Variants in RPS6KA2 observed in about 807,000 individuals in gnomAD.
The protein encoded by RPS6KA2 is ribosomal protein S6 kinase A2.
A neutral mutation model predicts 91.8 loss-of-function variants in RPS6KA2; 42 were observed. The ratio of observed to expected loss-of-function variants is 0.46; its 90% confidence interval spans 0.36 to 0.59. RPS6KA2 has a LOEUF of 0.59. Among genes scored for constraint, RPS6KA2 ranks in the 20% least tolerant of loss-of-function variants. The pLI is 0.00. For synonymous variants in RPS6KA2, 414 were observed against 393.6 expected (o/e 1.05, Z -0.61); for missense variants, 798 against 978.5 (o/e 0.82, Z 2.46).
rs1778473794 is a variant in RPS6KA2, at chr6:166,771,575, G to A, written c.123+86625C>T. 3.9e-5 allele frequency among the ~76,000 whole-genome samples: 6 copies of A among 152,198 alleles called. No homozygotes were observed. The South Asian group carries it at 1.2e-3, about 32-fold the overall frequency. ...ACTGCGGCACGTTCAGTGATGCAGG[G>A]GCCACATTTCCATTTCCTACTTTCT... On this transcript the variant is annotated intron_variant, in intron 2 of 21. Coordinates refer to the RPS6KA2 transcript ENST00000503859.
chr6:166,779,201 C>T (rs1337692320), intron 2 of RPS6KA2, among the ~76,000 whole-genome samples: 2 of 152,168 alleles, frequency 1.3e-5, no homozygotes, highest in Non-Finnish European at 2.9e-5. Context: ...ATGTTCTCTA[C>T]GGCCCTCAGG....
intron 2 of RPS6KA2, among the ~76,000 whole-genome samples, chr6:166,657,758 T>C (rs868841806): frequency 1.3e-5 from 2 of 152,292 alleles, no homozygotes; most frequent in Middle Eastern, 3.4e-3. Flanking sequence ...CAGATTTCGC[T>C]CACTTGAGAG....
At chr6:166,438,510 A>G (rs1779416617) in intron 14 of RPS6KA2, among the ~76,000 whole-genome samples, 1 of 152,260 alleles carries the variant, frequency 6.6e-6, no homozygotes, top group Non-Finnish European at 1.5e-5. Flanking sequence ...AAAGCAAACT[A>G]AGGTACTTTC....
At position 166,448,782 on chromosome 6, in the gene RPS6KA2, G is replaced by C; in HGVS notation, c.1274C>G (p.Ser425Cys). The C allele has an allele frequency of 6.2e-7, 1 of 1,613,804 alleles. No homozygotes were observed. The highest frequency in any genetic ancestry group is 2.2e-5 in the East Asian group (1 of 44,890). The stretch of plus-strand genomic sequence containing the variant: ...CACACATCGCTTGCACACTGAGTAG[G>C]AGCCCACCCCGATGTCCTCCTTGAT... ...YEIKEDIGVGSYSVCKRCVHK... is the reference protein window; with the variant it reads ...YEIKEDIGVGCYSVCKRCVHK... The change falls in exon 14 of 21, where the codon TCC (serine) becomes TGC (cysteine). Residue 425 changes from serine (S) to cysteine (C), a missense_variant. Transcript: ENST00000265678. This position sits in a 1 kb window ranked among gnomAD's most constrained non-coding sequence, Gnocchi z 4.7.
chr6:166,681,741 A>G (rs2128566714), intron 2 of RPS6KA2, among the ~76,000 whole-genome samples: 2 of 115,830 alleles, frequency 1.7e-5, no homozygotes, highest in Middle Eastern at 0.014. Flanking sequence ...CCTGTCTCCC[A>G]GAGATGAAAA....
intron 2 of RPS6KA2, among the ~76,000 whole-genome samples, chr6:166,808,457 C>A (rs1266521349): frequency 6.6e-6 from 1 of 152,128 alleles, no homozygotes; most frequent in African/African-American, 2.4e-5. Flanking sequence ...TGTCTCACCC[C>A]ACTAGAGCAT....
chr6:166,798,263 G>A (rs1163160617), intron 2 of RPS6KA2, among the ~76,000 whole-genome samples: 3 of 152,212 alleles, frequency 2.0e-5, no homozygotes, highest in African/African-American at 7.2e-5. Context: ...TGTCCATTCT[G>A]TTCTCACTGA....
In RPS6KA2 at chr6:166,598,533, A is replaced by G. The variant is rs570585311; in HGVS notation, c.99+28388T>C. On this transcript the variant is annotated intron_variant, in intron 1 of 20. Coordinates refer to ENST00000265678, the MANE Select transcript of RPS6KA2 (RefSeq NM_021135.6). ...ACCAATTCTGGATGGAGAAGTTGGA[A>G]TCAGATGACCCTCTGAACTTGAAGA... is the stretch of plus-strand genomic sequence containing the variant. 2.6e-5 allele frequency among the ~76,000 whole-genome samples: 4 copies of G among 152,364 alleles called. No individual in the cohort carries two copies. The South Asian group carries it at 8.3e-4, about 32-fold the overall frequency.
chr6:166,502,924 A>G (rs1782074492), intron 6 of RPS6KA2, among the ~76,000 whole-genome samples: 1 of 152,206 alleles, frequency 6.6e-6, no homozygotes, highest in African/African-American at 2.4e-5. Flanking sequence ...AAATGCCTGA[A>G]ACCGGAAGTG....
chr6:166,597,640 T>C (rs1785584341), intron 1 of RPS6KA2, among the ~76,000 whole-genome samples: 1 of 152,258 alleles, frequency 6.6e-6, no homozygotes, highest in Non-Finnish European at 1.5e-5. Flanking sequence ...ATGGAGCTGA[T>C]AACATGCAAG....
chr6:166,661,880 G>T (rs1417580642), intron 2 of RPS6KA2, among the ~76,000 whole-genome samples: 2 of 152,080 alleles, frequency 1.3e-5, no homozygotes, highest in Non-Finnish European at 1.5e-5. Flanking sequence ...CACTATGAAG[G>T]GAGGAGCTTC....
chr6:166,729,503 T>C (rs2128588226), intron 2 of RPS6KA2, among the ~76,000 whole-genome samples: 1 of 152,288 alleles, frequency 6.6e-6, no homozygotes, highest in Middle Eastern at 3.4e-3. Context: ...TATGCACCAC[T>C]ATACCCAGCT....
At chr6:166,513,672 C>A (rs1782546174) in intron 3 of RPS6KA2, among the ~76,000 whole-genome samples, 1 of 152,126 alleles carries the variant, frequency 6.6e-6, no homozygotes, top group Admixed American at 6.6e-5. Context: ...GCACAGAAGA[C>A]AAACGCTGGG....
chr6:166,579,966 C>A (rs139085835), intron 1 of RPS6KA2, among the ~76,000 whole-genome samples: 1 of 152,352 alleles, frequency 6.6e-6, no homozygotes, highest in Non-Finnish European at 1.5e-5. Context: ...GTGACAACAC[C>A]TTCCTAACTG....
At chr6:166,690,939 CAT>C (rs567192198) in intron 2 of RPS6KA2, among the ~76,000 whole-genome samples, 66 of 152,098 alleles carry the variant, frequency 4.3e-4, no homozygotes, top group African/African-American at 1.6e-3. Flanking sequence ...TTATAAAGGA[CAT>C]TAATTACATG....
intron 2 of RPS6KA2, among the ~76,000 whole-genome samples, chr6:166,851,391 CAGA>C (rs1234817643): frequency 2.6e-5 from 4 of 152,210 alleles, no homozygotes; most frequent in Non-Finnish European, 5.9e-5. Flanking sequence ...GACCTCAACG[CAGA>C]AGGTGATTCT....
rs751753356 is a variant in RPS6KA2, at chr6:166,504,468, G to T, written c.566+38C>A. On this transcript the variant is annotated intron_variant, in intron 6 of 20. Coordinates refer to ENST00000265678, the MANE Select transcript of RPS6KA2 (RefSeq NM_021135.6). Reference sequence around the variant, plus strand: ...GGCCAGGAAAATACATGGAGCTGATGGGCGTGGGGAAGTCAGCCCTAGTTT... The same window carrying T: ...GGCCAGGAAAATACATGGAGCTGATTGGCGTGGGGAAGTCAGCCCTAGTTT... The T allele has an allele frequency of 1.1e-5, 13 of 1,207,168 alleles. No homozygotes were observed. The African/African-American group carries it at 1.4e-4, about 13-fold the overall frequency. 74.8% of individuals were successfully genotyped at this position (1,207,168 alleles called of 1,614,324 possible).
At chr6:166,531,835 A>G (rs1783288992) in intron 2 of RPS6KA2, among the ~76,000 whole-genome samples, 1 of 152,212 alleles carries the variant, frequency 6.6e-6, no homozygotes, top group Non-Finnish European at 1.5e-5. Flanking sequence ...ACACTTACGG[A>G]TATTTGGCAA....
At chr6:166,499,016 G>A (rs1308980751) in intron 7 of RPS6KA2, among the ~76,000 whole-genome samples, 1 of 152,212 alleles carries the variant, frequency 6.6e-6, no homozygotes, top group Non-Finnish European at 1.5e-5. Context: ...TGGGGTGGAA[G>A]GCAGGTGTGT....
Sources: allele counts gnomAD v4.1 joint callset (sites outside exome capture counted in the v4.1 genomes callset), GRCh38; gene constraint gnomAD v4.1.1; non-coding constraint Gnocchi (gnomAD v3.1); transcripts MANE v1.5; gene names NCBI Gene and HGNC (gene_info 2026-07-23, HGNC 2026-07-21).